The following HSD11B1 variants were observed in gnomAD, a reference collection of about 807,000 sequenced individuals.
The protein encoded by HSD11B1 is 11-beta-hydroxysteroid dehydrogenase 1.
In HSD11B1, 15 loss-of-function variants were observed where a neutral mutation model predicts 22.1. The ratio of observed to expected loss-of-function variants is 0.68; its 90% CI spans 0.45 to 1.04. The LOEUF (loss-of-function observed/expected upper bound fraction) is 1.04. Among genes scored for constraint, HSD11B1 ranks in the 50% least tolerant of loss-of-function variants. The pLI is 0.00. For missense variants in HSD11B1, 281 were observed against 357.6 expected (o/e 0.79, Z 1.73); for synonymous variants, 122 against 125.2 (o/e 0.97, Z 0.17).
intron 4 of HSD11B1, among the ~76,000 whole-genome samples, chr1:209,713,657 C>T (rs545106483): frequency 1.5e-4 from 23 of 152,286 alleles, no homozygotes; most frequent in African/African-American, 5.3e-4. Flanking sequence ...GGCATAGTAT[C>T]TGCATATAAC....
intron 5 of HSD11B1, 119 bp from the exon 6 acceptor site, chr1:209,734,185 G>A: frequency 1.3e-6 from 1 of 758,122 alleles, no homozygotes; most frequent in Non-Finnish European, 2.3e-6. Flanking sequence ...GTGCCTGTGA[G>A]GCTTGCAGAG....
At chr1:209,688,394 C>T (rs1037592070) in intron 1 of HSD11B1, among the ~76,000 whole-genome samples, 6 of 152,174 alleles carry the variant, frequency 3.9e-5, no homozygotes, top group African/African-American at 1.4e-4. Flanking sequence ...TAGTATACAT[C>T]ACGCTATGGT....
intron 4 of HSD11B1, among the ~76,000 whole-genome samples, chr1:209,731,838 C>T (rs570649077): frequency 2.0e-5 from 3 of 152,164 alleles, no homozygotes; most frequent in Non-Finnish European, 2.9e-5. Context: ...CCTCAGCCTC[C>T]CGAGTAGCTA....
chr1:209,733,069 T>C (rs2077045543), intron 5 of HSD11B1, among the ~76,000 whole-genome samples: 1 of 152,200 alleles, frequency 6.6e-6, no homozygotes, highest in African/African-American at 2.4e-5. Flanking sequence ...TGGCTGAGTC[T>C]CACCACATTC....
rs1464668314 is a variant in HSD11B1, at chr1:209,704,885, A to C, written c.-58A>C. The C allele has an allele frequency of 3.0e-6, 4 of 1,336,642 alleles. No individual in the cohort carries two copies. Among genetic ancestry groups the C allele is most frequent in the Non-Finnish European group, 4.3e-6 (4 of 928,286 alleles). The allele number at this position is 1,336,642 out of a possible 1,614,324, so 82.8% of individuals were successfully genotyped here. On this transcript the variant is annotated 5_prime_UTR_variant, in exon 1 of 6. Coordinates refer to ENST00000367027, the MANE Select transcript of HSD11B1 (RefSeq NM_005525.4). ...GCTGCCTGCTTAGGAGGTTGTAGAA[A>C]GCTCTGTAGGTTCTCTCTGTGTGTC...
At chr1:209,699,644 CAA>C (rs2076815087) in intron 1 of HSD11B1, among the ~76,000 whole-genome samples, 1 of 152,160 alleles carries the variant, frequency 6.6e-6, no homozygotes, top group South Asian at 2.1e-4. Flanking sequence ...ATTTCAAAAC[CAA>C]TCATGCCTTC....
rs1351089480 is a variant in HSD11B1 at position 209,698,764 on chromosome 1, TG to T, written c.-48-6130del. Among the ~76,000 whole-genome samples the T allele has an allele frequency of 3.9e-5, 6 of 152,212 alleles. No individual in the cohort carries two copies. In the East Asian group the frequency reaches 9.6e-4, roughly 24 times the overall value. ...AAACATAAAAACAACAGAATTTTTT[TG>T]ATTATAAAAAGAACTCTTTGCATCT... On this transcript the variant is annotated intron_variant, in intron 1 of 6. Coordinates refer to the HSD11B1 transcript ENST00000261465.
chr1:209,700,656 C>CA (rs528130894), upstream of HSD11B1, among the ~76,000 whole-genome samples: 132 of 152,290 alleles, frequency 8.7e-4, no homozygotes, highest in Non-Finnish European at 1.5e-3. Context: ...AATTTCTCCT[C>CA]AAAAAATGTG....
chr1:209,687,794 C>T (rs2076736987), intron 1 of HSD11B1, among the ~76,000 whole-genome samples: 1 of 152,150 alleles, frequency 6.6e-6, no homozygotes. Flanking sequence ...GTAATCTTTC[C>T]CTGGCAGAAA....
chr1:209,700,417 C>T (rs2102363741), upstream of HSD11B1, among the ~76,000 whole-genome samples: 1 of 152,332 alleles, frequency 6.6e-6, no homozygotes, highest in African/African-American at 2.4e-5. Flanking sequence ...TAGGCTAGCT[C>T]CTTTCAGGCT....
At chr1:209,697,884 C>CTTTTTTTTTTCTTTTTTTTT (rs2076800696) in intron 1 of HSD11B1, among the ~76,000 whole-genome samples, 1 of 41,586 alleles carries the variant, frequency 2.4e-5, no homozygotes, top group Admixed American at 4.6e-4. Context: ...TTGTTTTTTC[C>CTTTTTTTTTTCTTTTTTTTT]TTTTTTTTTT....
At chr1:209,732,602 T>C (rs776790452) in intron 5 of HSD11B1, 23 bp downstream of exon 5, 1 of 1,602,432 alleles carries the variant, frequency 6.2e-7, no homozygotes, top group Non-Finnish European at 8.6e-7. Flanking sequence ...CTTTGTGTTT[T>C]TTTTTAATTA....
At position 209,706,006 on chromosome 1, in the gene HSD11B1, C is replaced by G; in HGVS notation, c.219+65C>G. 6.3e-7 allele frequency: 1 copy of G among 1,582,630 alleles called. No homozygotes were observed. Among genetic ancestry groups the G allele is most frequent in the Non-Finnish European group, 8.7e-7 (1 of 1,154,696 alleles). Reference sequence around the variant, plus strand: ...GCTCAGATGTGTTCTTATATATGCTCACATATACACAGAAGCTAGCATATC... The same window carrying G: ...GCTCAGATGTGTTCTTATATATGCTGACATATACACAGAAGCTAGCATATC... On this transcript the variant is annotated intron_variant, in intron 2 of 5. Coordinates refer to ENST00000367027, the MANE Select transcript of HSD11B1 (RefSeq NM_005525.4). The surrounding 1 kb of genome is among the most constrained non-coding windows in gnomAD (Gnocchi z 4.0).
intron 4 of HSD11B1, among the ~76,000 whole-genome samples, chr1:209,717,037 C>CA (rs1227912200): frequency 6.6e-6 from 1 of 151,962 alleles, no homozygotes; most frequent in Non-Finnish European, 1.5e-5. Context: ...CAGGCAAAAA[C>CA]AAAAATAGAC....
chr1:209,699,960 TG>T (rs1384457664), upstream of HSD11B1, among the ~76,000 whole-genome samples: 2 of 152,128 alleles, frequency 1.3e-5, no homozygotes, highest in East Asian at 1.9e-4. Flanking sequence ...ATGCAAAAGG[TG>T]GGTTCCCATG....
At chr1:209,690,797 AT>A (rs961231762) in intron 1 of HSD11B1, among the ~76,000 whole-genome samples, 1 of 152,198 alleles carries the variant, frequency 6.6e-6, no homozygotes, top group African/African-American at 2.4e-5. Context: ...GATTAAAAAA[AT>A]AAGACATAGA....
At position 209,706,120 on chromosome 1, in the gene HSD11B1, G is replaced by A. The variant is rs1353876098; in HGVS notation, c.219+179G>A. ...GATTCAAACACCAAAAAACCCACAG[G>A]AATATAAAAGTATGCATTTAAGCAT... On this transcript the variant is annotated intron_variant, in intron 2 of 5. Coordinates refer to ENST00000367027, the MANE Select transcript of HSD11B1 (RefSeq NM_005525.4). The surrounding 1 kb of genome is among the most constrained non-coding windows in gnomAD (Gnocchi z 4.0). Among the ~76,000 whole-genome samples, 1 of 152,050 alleles carries A rather than the reference G, an allele frequency of 6.6e-6. No homozygotes were observed. Among genetic ancestry groups the A allele is most frequent in the Non-Finnish European group, 1.5e-5 (1 of 68,020 alleles).
chr1:209,686,465 C>T (rs986371206), intron 1 of HSD11B1, among the ~76,000 whole-genome samples: 22 of 151,958 alleles, frequency 1.4e-4, no homozygotes, highest in Non-Finnish European at 2.2e-4. Flanking sequence ...CAAGAAGAAA[C>T]GCCCGATGAG....
chr1:209,702,189 C>T (rs2076830417), upstream of HSD11B1, among the ~76,000 whole-genome samples: 1 of 152,218 alleles, frequency 6.6e-6, no homozygotes, highest in Admixed American at 6.5e-5. Context: ...ACTTTGTTGA[C>T]AACCCCAGAA....
Sources: allele counts gnomAD v4.1 joint callset (sites outside exome capture counted in the v4.1 genomes callset), GRCh38; gene constraint gnomAD v4.1.1; non-coding constraint Gnocchi (gnomAD v3.1); transcripts MANE v1.5; gene names NCBI Gene and HGNC (gene_info 2026-07-23, HGNC 2026-07-21).